The following RPRD1B variants were observed in gnomAD, a reference collection of about 807,000 sequenced individuals.
RPRD1B encodes the protein regulation of nuclear pre-mRNA domain-containing protein 1B.
A neutral mutation model predicts 41.5 loss-of-function variants in RPRD1B; 11 were observed. The observed-to-expected ratio is 0.27, with a 90% CI of 0.17 to 0.44. The LOEUF (loss-of-function observed/expected upper bound fraction) is 0.44. Among genes scored for constraint, RPRD1B ranks in the 20% least tolerant of loss-of-function variants. The pLI is 1.00. For synonymous variants in RPRD1B, 158 were observed against 155.6 expected (o/e 1.02, Z -0.12); for missense variants, 248 against 389.9 (o/e 0.64, Z 3.06).
chr20:38,036,222 C>A (rs1273559655), intron 1 of RPRD1B, among the ~76,000 whole-genome samples: 2 of 152,142 alleles, frequency 1.3e-5, no homozygotes, highest in African/African-American at 4.8e-5. Context: ...GCATTATTAT[C>A]CTCATTTTAT....
At chr20:38,082,076 T>G (rs181378204) in intron 6 of RPRD1B, among the ~76,000 whole-genome samples, 55 of 152,334 alleles carry the variant, frequency 3.6e-4, no homozygotes, top group Non-Finnish European at 6.5e-4. Context: ...ATAGAATGAG[T>G]TAGGGAGGAC....
chr20:38,045,328 ATTAC>A (rs2074110247), intron 2 of RPRD1B, among the ~76,000 whole-genome samples: 2 of 152,174 alleles, frequency 1.3e-5, no homozygotes, highest in African/African-American at 4.8e-5. Flanking sequence ...AAACGGCTTT[ATTAC>A]TTTGGTTGTA....
In RPRD1B at chr20:38,091,515, G is replaced by C; in HGVS notation, c.*1640G>C. ...TGTTTGCTTATGGACACTGCCTGTC[G>C]TTCTGTCACTGTTAAATTAATGAGT... On this transcript the variant is annotated 3_prime_UTR_variant, in exon 7 of 7. Transcript: ENST00000373433. The C allele has an allele frequency of 2.0e-6, 2 of 985,340 alleles. No homozygotes were observed. The highest frequency in any genetic ancestry group is 1.7e-5 in the African/African-American group (1 of 57,312). The allele number at this position is 985,340 out of a possible 1,614,324, so 61.0% of individuals were successfully genotyped here. A position where few individuals can be genotyped will look rare whatever the true frequency, so the allele number is the denominator to read the frequency against.
rs750815313 is a variant in RPRD1B at position 38,059,505 on chromosome 20, T to C, written c.640T>C (p.Leu214=). The C allele has an allele frequency of 3.1e-6, 5 of 1,613,722 alleles. No individual in the cohort carries two copies. The highest frequency in any genetic ancestry group is 2.2e-5 in the South Asian group (2 of 91,074). ...LPQEVQDVSL[L]EKITDKEAAE... ...CCAGGAAGTGCAAGATGTTTCTCTA[T>C]TGGAAAAAATAACAGGTGAGAAGGT... is the stretch of plus-strand genomic sequence containing the variant. The change falls in exon 5 of 7, where the codon TTG becomes CTG. Residue 214 remains leucine (L), a synonymous_variant. Coordinates refer to ENST00000373433, the MANE Select transcript of RPRD1B (RefSeq NM_021215.4).
At chr20:38,063,427 T>C (rs569617638) in intron 5 of RPRD1B, among the ~76,000 whole-genome samples, 23 of 152,232 alleles carry the variant, frequency 1.5e-4, no homozygotes, top group Non-Finnish European at 2.4e-4. Context: ...AGCCTAGTTA[T>C]AAGAACTCAA....
At chr20:38,082,511 C>T (rs775817724) in intron 6 of RPRD1B, among the ~76,000 whole-genome samples, 68 of 152,254 alleles carry the variant, frequency 4.5e-4, no homozygotes, top group Middle Eastern at 3.4e-3. Flanking sequence ...CTCAGCCTCC[C>T]GAGCAGCTGG....
intron 1 of RPRD1B, among the ~76,000 whole-genome samples, chr20:38,034,371 G>A (rs2073970882): frequency 6.6e-6 from 1 of 152,146 alleles, no homozygotes; most frequent in African/African-American, 2.4e-5. Flanking sequence ...CCTGACATTT[G>A]TGGCTGTTAT....
chr20:38,065,053 G>A (rs868684619), intron 5 of RPRD1B, among the ~76,000 whole-genome samples: 8 of 151,790 alleles, frequency 5.3e-5, no homozygotes, highest in Middle Eastern at 3.4e-3. Context: ...TTTATGAAAC[G>A]CTGCTTTCAT....
At chr20:38,074,900 CTGAA>C (rs1671071925) in intron 6 of RPRD1B, among the ~76,000 whole-genome samples, 1 of 152,098 alleles carries the variant, frequency 6.6e-6, no homozygotes, top group Non-Finnish European at 1.5e-5. Context: ...TAAAATTAAA[CTGAA>C]TGATAACTTG....
chr20:38,089,857 C>A lies in RPRD1B; in HGVS notation c.963C>A (p.Asp321Glu). 6.2e-7 allele frequency: 1 copy of A among 1,613,912 alleles called. No individual in the cohort carries two copies. Among genetic ancestry groups the A allele is most frequent in the Non-Finnish European group, 8.5e-7 (1 of 1,179,926 alleles). ...TAGCCCCCCTGCCCTCTGCTGGGGA[C>A]CTGTTTTCAACTGACTAGGATGGGT... The part of the protein sequence containing the change: ...GGLAPLPSAG[D>E]LFSTD Residue 321 changes from aspartate to glutamate, a missense_variant, in exon 7 of 7, where the codon GAC becomes GAA. This residue lies in a region of RPRD1B where 93 missense variants were observed against 167.2 expected (regional missense o/e 0.56). Transcript: ENST00000373433.
intron 6 of RPRD1B, among the ~76,000 whole-genome samples, chr20:38,069,261 G>A (rs193153309): frequency 1.3e-5 from 2 of 152,314 alleles, no homozygotes; most frequent in East Asian, 1.9e-4. Flanking sequence ...CTCAAAGTAG[G>A]AGATTGTGTT....
At chr20:38,080,721 C>G (rs2074504902) in intron 6 of RPRD1B, among the ~76,000 whole-genome samples, 1 of 152,112 alleles carries the variant, frequency 6.6e-6, no homozygotes, top group African/African-American at 2.4e-5. Flanking sequence ...GATAGGGTTT[C>G]CCCATGTTGG....
chr20:38,038,480 T>TTTTTG lies in RPRD1B; in HGVS notation c.152-1945_152-1941dup, dbSNP rs1395411806. 3.0e-3 allele frequency among the ~76,000 whole-genome samples: 400 copies of TTTTTG among 132,602 alleles called. 4 individuals are homozygous for TTTTTG. Among genetic ancestry groups the TTTTTG allele is most frequent in the African/African-American group, 0.012 (353 of 30,522 alleles). The allele number at this position is 132,602 out of a possible 152,430, so 87.0% of individuals were successfully genotyped here. ...GCCTGGCACCACGCCCGGCTGATTT[T>TTTTTG]TTTTGTTTTGTTTTTTTTTTTTTTT... On this transcript the variant is annotated intron_variant, in intron 1 of 6. Coordinates refer to ENST00000373433, the MANE Select transcript of RPRD1B (RefSeq NM_021215.4).
At chr20:38,049,466 G>T (rs951044054) in intron 3 of RPRD1B, among the ~76,000 whole-genome samples, 1 of 149,374 alleles carries the variant, frequency 6.7e-6, no homozygotes, top group Non-Finnish European at 1.5e-5. Flanking sequence ...CGCCTCCCGG[G>T]TTCAAGCAGT....
At position 38,091,514 on chromosome 20, in the gene RPRD1B, C is replaced by T. The variant is rs1804898442; in HGVS notation, c.*1639C>T. 3 of 985,204 alleles carry T rather than the reference C, an allele frequency of 3.0e-6. No homozygotes were observed. Among genetic ancestry groups the T allele is most frequent in the South Asian group, 4.7e-5 (1 of 21,288 alleles). 61.0% of individuals were successfully genotyped at this position (985,204 alleles called of 1,614,324 possible). On this transcript the variant is annotated 3_prime_UTR_variant, in exon 7 of 7. Transcript: ENST00000373433. ...TTGTTTGCTTATGGACACTGCCTGT[C>T]GTTCTGTCACTGTTAAATTAATGAG...
At chr20:38,088,547 A>G (rs2074583476) in intron 6 of RPRD1B, among the ~76,000 whole-genome samples, 1 of 152,230 alleles carries the variant, frequency 6.6e-6, no homozygotes, top group Non-Finnish European at 1.5e-5. Context: ...TTACCCTTGC[A>G]GAGACACTGA....
intron 5 of RPRD1B, among the ~76,000 whole-genome samples, chr20:38,062,211 C>CT (rs1318145807): frequency 4.6e-5 from 7 of 152,148 alleles, no homozygotes; most frequent in African/African-American, 1.7e-4. Flanking sequence ...ATTATTCTAG[C>CT]TTTCCTCCTC....
At chr20:38,063,329 T>C (rs908323322) in intron 5 of RPRD1B, among the ~76,000 whole-genome samples, 4 of 152,208 alleles carry the variant, frequency 2.6e-5, no homozygotes, top group Non-Finnish European at 1.5e-5. Flanking sequence ...AAGCATAATA[T>C]TTATTGTATA....
intron 1 of RPRD1B, among the ~76,000 whole-genome samples, chr20:38,038,513 T>TTTTC: frequency 1.4e-5 from 2 of 145,692 alleles, no homozygotes; most frequent in Admixed American, 6.8e-5. Flanking sequence ...TTTTTTTTTT[T>TTTTC]TGAGACAGAG....
Sources: allele counts gnomAD v4.1 joint callset (sites outside exome capture counted in the v4.1 genomes callset), GRCh38; gene constraint gnomAD v4.1.1; regional missense constraint gnomAD v4.1.1; transcripts MANE v1.5; gene names NCBI Gene and HGNC (gene_info 2026-07-23, HGNC 2026-07-21).